CALU: variants seen among roughly 807,000 people sequenced by gnomAD.
CALU encodes calumenin.
Under a neutral mutation model 37.5 loss-of-function variants are expected in CALU, and 13 were observed. That is an observed-to-expected ratio of 0.35 (90% CI 0.23 to 0.55). The LOEUF (loss-of-function observed/expected upper bound fraction) is 0.55. CALU is among the 20% of genes least tolerant of loss of function. CALU has a pLI of 0.89. For synonymous variants in CALU, 114 were observed against 133.8 expected (o/e 0.85, Z 1.02); for missense variants, 282 against 391.7 (o/e 0.72, Z 2.36).
intron 2 of CALU, among the ~76,000 whole-genome samples, chr7:128,753,412 G>A (rs1800751553): frequency 6.6e-6 from 1 of 152,178 alleles, no homozygotes; most frequent in Non-Finnish European, 1.5e-5. Flanking sequence ...TTCATATCAT[G>A]GACATATTTT....
At chr7:128,756,013 C>G (rs183900775) in intron 3 of CALU, among the ~76,000 whole-genome samples, 2 of 152,256 alleles carry the variant, frequency 1.3e-5, no homozygotes, top group Admixed American at 1.3e-4. Flanking sequence ...GTTCTCATTC[C>G]TAAGACTAAA....
At position 128,754,325 on chromosome 7, in the gene CALU, C is replaced by T; in HGVS notation, c.285C>T (p.Asp95=). ...DGFVTVDELK[D]WIKFAQKRWI... ...TTGTCACTGTGGATGAGCTCAAAGA[C>T]TGGATTAAATTTGCACAAAAGCGCT... The change falls in exon 3 of 7, where the codon GAC becomes GAT. Residue 95 remains aspartate, a synonymous_variant. Coordinates refer to ENST00000249364, the MANE Select transcript of CALU (RefSeq NM_001219.5). 1 of 1,614,042 alleles carries T rather than the reference C, an allele frequency of 6.2e-7. No individual in the cohort carries two copies. Among genetic ancestry groups the T allele is most frequent in the Non-Finnish European group, 8.5e-7 (1 of 1,179,954 alleles).
At chr7:128,759,709 G>A (rs1186071391) in intron 4 of CALU, 83 bp from the exon 5 acceptor site, 1 of 762,734 alleles carries the variant, frequency 1.3e-6, no homozygotes, top group Non-Finnish European at 2.3e-6. Flanking sequence ...AATAATAAAT[G>A]TTTACCTAAA....
chr7:128,748,808 A>G lies in CALU; in HGVS notation c.221+4A>G. 1.2e-6 allele frequency: 2 copies of G among 1,600,602 alleles called. No homozygotes were observed. Among genetic ancestry groups the G allele is most frequent in the Non-Finnish European group, 1.7e-6 (2 of 1,167,660 alleles). On this transcript the variant is annotated splice_donor_region_variant and intron_variant, in intron 2 of 6. Transcript: ENST00000249364. ...AAGAGAGCAAGGAAAGGCTTGGGTAAGGTACCACCTCTCAGGGGTCTAGTG... is the reference window on the plus strand; with the variant it reads ...AAGAGAGCAAGGAAAGGCTTGGGTAGGGTACCACCTCTCAGGGGTCTAGTG...
In CALU at chr7:128,746,594, C is replaced by G. The variant is rs538995359; in HGVS notation, c.-11-1979C>G. ...TCAGCCTCCTGAGTAGCTGAGACTA[C>G]AGGTGTATGCCACCATGCCCAGCTA... On this transcript the variant is annotated intron_variant, in intron 1 of 6. Coordinates refer to ENST00000249364, the MANE Select transcript of CALU (RefSeq NM_001219.5). Among the ~76,000 whole-genome samples, 59 of 152,174 alleles carry G rather than the reference C, an allele frequency of 3.9e-4. No individual in the cohort carries two copies. In the South Asian group the frequency reaches 0.012, roughly 32 times the overall value.
chr7:128,764,278 A>G (rs1355467080), intron 5 of CALU, among the ~76,000 whole-genome samples: 1 of 151,802 alleles, frequency 6.6e-6, no homozygotes, highest in Non-Finnish European at 1.5e-5. Context: ...AAATACAAAA[A>G]AAAAGAAAAA....
chr7:128,764,056 G>T (rs1177179113), intron 5 of CALU, among the ~76,000 whole-genome samples: 1 of 152,142 alleles, frequency 6.6e-6, no homozygotes, highest in African/African-American at 2.4e-5. Context: ...GAAAGAATTT[G>T]ACCAACAGCA....
At chr7:128,752,575 C>A (rs1388313249) in intron 2 of CALU, among the ~76,000 whole-genome samples, 1 of 152,138 alleles carries the variant, frequency 6.6e-6, no homozygotes, top group Admixed American at 6.5e-5. Context: ...TAGAACTTTT[C>A]AATATTGGTA....
At chr7:128,745,172 C>CT (rs1320845859) in intron 1 of CALU, among the ~76,000 whole-genome samples, 1 of 152,146 alleles carries the variant, frequency 6.6e-6, no homozygotes, top group African/African-American at 2.4e-5. Flanking sequence ...ATAAAGTCCC[C>CT]TTAGGCATAA....
At chr7:128,753,552 A>G (rs946264401) in intron 2 of CALU, among the ~76,000 whole-genome samples, 2 of 152,232 alleles carry the variant, frequency 1.3e-5, no homozygotes, top group Non-Finnish European at 2.9e-5. Context: ...CATTCTTATA[A>G]TCAGATATAC....
At position 128,769,808 on chromosome 7, in the gene CALU, C is replaced by T. The variant is rs1005567380; in HGVS notation, c.*641C>T. On this transcript the variant is annotated 3_prime_UTR_variant, in exon 7 of 7. Transcript: ENST00000249364. ...CCAAATTGATTTTCTTCTTTTTCCC[C>T]CTGTAGGACTGACTGTTGGCTAATT... 2.6e-5 allele frequency: 4 copies of T among 152,170 alleles called. No homozygotes were observed. The highest frequency in any genetic ancestry group is 9.7e-5 in the African/African-American group (4 of 41,418). The allele number at this position is 152,170 out of a possible 1,614,324, so 9.4% of individuals were successfully genotyped here.
Position 128,740,650 on chromosome 7 carries a change from T to C in CALU, c.-12+1218T>C, listed in dbSNP as rs1217011242. 8.2e-5 allele frequency among the ~76,000 whole-genome samples: 3 copies of C among 36,502 alleles called. No homozygotes were observed. The East Asian group carries it at 2.5e-3, about 31-fold the overall frequency. The allele number at this position is 36,502 out of a possible 152,430, so 23.9% of individuals were successfully genotyped here. A position where few individuals can be genotyped will look rare whatever the true frequency, so the allele number is the denominator to read the frequency against. On this transcript the variant is annotated intron_variant, in intron 1 of 6. Coordinates refer to ENST00000249364, the MANE Select transcript of CALU (RefSeq NM_001219.5). ...GACCTAATCTGAGGTTTTACTGTGA[T>C]TGGGGGGTGGGGGGGTTCCAATAGG...
intron 6 of CALU, 103 bp from the exon 7 acceptor site, chr7:128,768,960 A>G (rs1232566374): frequency 1.5e-6 from 1 of 656,502 alleles, no homozygotes; most frequent in Non-Finnish European, 2.7e-6. Context: ...AGTAGAAATG[A>G]GAATCTTAAC....
chr7:128,759,148 A>G (rs185880064), intron 4 of CALU, 111 bp downstream of exon 4: 2 of 753,080 alleles, frequency 2.7e-6, no homozygotes, highest in Admixed American at 2.8e-5. Flanking sequence ...TATGCTATAT[A>G]GCATATCACT....
At chr7:128,758,504 G>T (rs1800979224) in intron 3 of CALU, among the ~76,000 whole-genome samples, 1 of 152,164 alleles carries the variant, frequency 6.6e-6, no homozygotes, top group Non-Finnish European at 1.5e-5. Flanking sequence ...CAAGACACAG[G>T]CCAAACAGCT....
chr7:128,750,085 G>A (rs1056701116), intron 2 of CALU, among the ~76,000 whole-genome samples: 4 of 151,794 alleles, frequency 2.6e-5, no homozygotes, highest in Non-Finnish European at 5.9e-5. Flanking sequence ...AAAATTAGCC[G>A]GGCGTGGTGG....
chr7:128,743,971 C>T lies in CALU; in HGVS notation c.-12+4539C>T, dbSNP rs925195520. ...CTGTAATCCCGACACTTTGGGAGGC[C>T]GAGACGGGAGAATCACTTGAGGTCA... On this transcript the variant is annotated intron_variant, in intron 1 of 6. Transcript: ENST00000249364. Among the ~76,000 whole-genome samples the T allele has an allele frequency of 5.3e-5, 8 of 152,034 alleles. 1 individual carries two copies. The highest frequency in any genetic ancestry group is 3.3e-4 in the Admixed American group (5 of 15,262).
chr7:128,757,394 C>CGTGTGT, intron 3 of CALU, among the ~76,000 whole-genome samples: 1 of 115,828 alleles, frequency 8.6e-6, no homozygotes, highest in Non-Finnish European at 1.8e-5. Context: ...TGTGTGTGTA[C>CGTGTGT]ACAGGATCCC....
intron 3 of CALU, among the ~76,000 whole-genome samples, chr7:128,756,874 G>A (rs1378569549): frequency 6.6e-6 from 1 of 152,008 alleles, no homozygotes; most frequent in East Asian, 1.9e-4. Context: ...CCGGGAATTC[G>A]CGACCAGCCA....
Sources: allele counts gnomAD v4.1 joint callset (sites outside exome capture counted in the v4.1 genomes callset), GRCh38; gene constraint gnomAD v4.1.1; transcripts MANE v1.5; gene names NCBI Gene and HGNC (gene_info 2026-07-23, HGNC 2026-07-21).